The following PLK2 variants were observed in gnomAD, a reference collection of about 807,000 sequenced individuals.
PLK2 encodes serine/threonine-protein kinase PLK2.
A neutral mutation model predicts 78.1 loss-of-function variants in PLK2; 25 were observed. The observed-to-expected ratio is 0.32, with a 90% CI of 0.23 to 0.45. The LOEUF is 0.45. Among genes scored for constraint, PLK2 ranks in the 20% least tolerant of loss-of-function variants. The pLI is 1.00. For synonymous variants in PLK2, 332 were observed against 298.2 expected (o/e 1.11, Z -1.17); for missense variants, 566 against 840.2 (o/e 0.67, Z 4.04).
At chr5:58,455,132 G>T in intron 12 of PLK2, 111 bp from the exon 13 acceptor site, 1 of 1,138,368 alleles carries the variant, frequency 8.8e-7, no homozygotes, top group Admixed American at 1.9e-5. Context: ...GAATGGCTTT[G>T]GAAATCCCTG....
chr5:58,455,004 A>C lies in PLK2; in HGVS notation c.1773T>G (p.Ser591Arg). 1 of 1,606,466 alleles carries C rather than the reference A, an allele frequency of 6.2e-7. No individual in the cohort carries two copies. Residue 591 changes from serine to arginine, a missense_variant, in exon 13 of 14, where the codon AGT becomes AGG. By Grantham distance (110) the Ser-to-Arg change is moderately radical. Transcript: ENST00000274289. The part of the protein sequence containing the change: ...ENLMDGGDLP[S>R]VTDIRRPRLY... ...GCCGAGGTCTTCGAATATCAGTAAC[A>C]CTAGGCAGATCTCCACCCTGGAAGA... is the stretch of plus-strand genomic sequence containing the variant.
intron 2 of PLK2, 51 bp downstream of exon 2, chr5:58,458,934 A>AG: frequency 7.5e-7 from 1 of 1,327,154 alleles, no homozygotes; most frequent in South Asian, 1.2e-5. Flanking sequence ...CTAACAGGGA[A>AG]GGGCCATCCT....
intron 1 of PLK2, 43 bp downstream of exon 1, chr5:58,459,647 G>A: frequency 6.7e-7 from 1 of 1,503,126 alleles, no homozygotes; most frequent in Non-Finnish European, 8.9e-7. Flanking sequence ...CGCCCGGACA[G>A]ACCTCCCGCC....
intron 5 of PLK2, 115 bp downstream of exon 5, chr5:58,457,969 C>T (rs1317051163): frequency 1.3e-6 from 1 of 753,152 alleles, no homozygotes; most frequent in Non-Finnish European, 2.4e-6. Flanking sequence ...TTTAAATTAA[C>T]ATTGCTATGA....
rs759433659 is a variant in PLK2 at position 58,455,586 on chromosome 5, A to T, written c.1578T>A (p.Gly526=). The change falls in exon 11 of 14, where the codon GGT becomes GGA. Residue 526 remains glycine (G), a synonymous_variant. Coordinates refer to ENST00000274289, the MANE Select transcript of PLK2 (RefSeq NM_006622.4). ...FGYQLSDHTV[G]VLFNNGAHMS... ...TGTGAGCACCATTGTTGAAAAGGAC[A>T]CCGACGGTGTGGTCTGAGAGCTGGT... The T allele has an allele frequency of 5.0e-6, 8 of 1,614,028 alleles. No homozygotes were observed. In the South Asian group the frequency reaches 8.8e-5, roughly 18 times the overall value.
intron 8 of PLK2, 91 bp from the exon 9 acceptor site, chr5:58,456,680 A>G (rs893106912): frequency 4.8e-5 from 41 of 859,044 alleles, no homozygotes; most frequent in Non-Finnish European, 6.6e-5. Context: ...TGCATTATTG[A>G]CCAACTTATG....
At chr5:58,456,455 A>T in intron 9 of PLK2, 37 bp downstream of exon 9, 1 of 1,190,710 alleles carries the variant, frequency 8.4e-7, no homozygotes, top group East Asian at 2.3e-5. Flanking sequence ...GAAATAACGT[A>T]AAGCGTGAGT....
At chr5:58,459,228 G>A (rs1579966159) in intron 1 of PLK2, 136 bp from the exon 2 acceptor site, 5 of 625,574 alleles carry the variant, frequency 8.0e-6, no homozygotes, top group Non-Finnish European at 1.4e-5. Context: ...TGGACAGAGG[G>A]AGGCATTCGA....
rs1401695100 is a variant in PLK2, at chr5:58,454,551, A to G, written c.*32T>C. 1 of 1,429,224 alleles carries G rather than the reference A, an allele frequency of 7.0e-7. No individual in the cohort carries two copies. Among genetic ancestry groups the G allele is most frequent in the Non-Finnish European group, 9.7e-7 (1 of 1,030,772 alleles). 88.5% of individuals were successfully genotyped at this position (1,429,224 alleles called of 1,614,324 possible). A position where few individuals can be genotyped will look rare whatever the true frequency, so the allele number is the denominator to read the frequency against. On this transcript the variant is annotated 3_prime_UTR_variant, in exon 14 of 14. Coordinates refer to ENST00000274289, the MANE Select transcript of PLK2 (RefSeq NM_006622.4). ...CCCTGTAGATCTCACAGTGGAAAAGAGGAGTCCCATAGGGTCCATTCGAAA... is the reference window on the plus strand; with the variant it reads ...CCCTGTAGATCTCACAGTGGAAAAGGGGAGTCCCATAGGGTCCATTCGAAA...
Position 58,459,718 on chromosome 5 carries a change from C to G in PLK2, c.242G>C (p.Arg81Pro). ...RIIVDPTTGK[R>P]YCRGKVLGKG... ...TCCCAGCACTTTGCCCCGGCAGTAG[C>G]GCTTCCCAGTCGTGGGGTCGACGAT... Residue 81 changes from arginine (R) to proline (P), a missense_variant, in exon 1 of 14, where the codon CGC becomes CCC. Physicochemically the swap from Arg to Pro is moderately radical, Grantham distance 103. Transcript: ENST00000274289. 3 of 1,599,510 alleles carry G rather than the reference C, an allele frequency of 1.9e-6. No individual in the cohort carries two copies. Among genetic ancestry groups the G allele is most frequent in the Non-Finnish European group, 1.7e-6 (2 of 1,173,736 alleles).
chr5:58,458,214 C>T (rs370479360), intron 4 of PLK2, 43 bp from the exon 5 acceptor site: 18 of 1,415,500 alleles, frequency 1.3e-5, no homozygotes, highest in South Asian at 5.7e-5. Context: ...TTTGAAAATG[C>T]GTTCTAACCA....
At chr5:58,458,586 T>C in intron 3 of PLK2, 58 bp from the exon 4 acceptor site, 6 of 1,535,998 alleles carry the variant, frequency 3.9e-6, no homozygotes, top group Non-Finnish European at 5.3e-6. Flanking sequence ...AAATCACTGG[T>C]TTCCCTTTGC....
In PLK2 at chr5:58,457,167, G is replaced by C. The variant is rs377260992; in HGVS notation, c.1008+14C>G. ...CAATACCAGGTAATTAAAAAAAAAAGATAGTGCACCAACCTGCAAAAAAAA... is the reference window on the plus strand; with the variant it reads ...CAATACCAGGTAATTAAAAAAAAAACATAGTGCACCAACCTGCAAAAAAAA... On this transcript the variant is annotated intron_variant, in intron 7 of 13. Transcript: ENST00000274289. The C allele has an allele frequency of 3.5e-5, 56 of 1,609,326 alleles. No homozygotes were observed. Among genetic ancestry groups the C allele is most frequent in the Non-Finnish European group, 4.7e-5 (55 of 1,176,962 alleles).
chr5:58,455,189 G>C, intron 12 of PLK2, 96 bp downstream of exon 12: 1 of 1,426,998 alleles, frequency 7.0e-7, no homozygotes, highest in Non-Finnish European at 9.8e-7. Flanking sequence ...CGGTAGGTCA[G>C]GAGAATCTGT....
rs375018558 is a variant in PLK2, at chr5:58,456,527, T to C, written c.1219A>G (p.Ile407Val). Residue 407 changes from isoleucine to valine, a missense_variant, in exon 9 of 14, where the codon ATA (isoleucine) becomes GTA (valine). By Grantham distance (29) the Ile-to-Val change is conservative. Around this residue, in one of 5 missense-constraint regions of PLK2, gnomAD observed 129 missense variants for 156.0 expected, o/e 0.83. Transcript: ENST00000274289. ...KLRHDLKKTS[I>V]TQQPSKHRTD... is the part of the protein sequence containing the mutation. ...CTGTGTTTGCTGGGTTGCTGAGTTATTGAAGTCTTTTTCAAATCATGCCTA... is the reference window on the plus strand; with the variant it reads ...CTGTGTTTGCTGGGTTGCTGAGTTACTGAAGTCTTTTTCAAATCATGCCTA... 17 of 1,612,618 alleles carry C rather than the reference T, an allele frequency of 1.1e-5. No individual in the cohort carries two copies. In the African/African-American group the frequency reaches 1.2e-4, roughly 11 times the overall value.
chr5:58,454,443 A>T lies in PLK2; in HGVS notation c.*140T>A. 1 of 634,100 alleles carries T rather than the reference A, an allele frequency of 1.6e-6. No homozygotes were observed. Among genetic ancestry groups the T allele is most frequent in the Non-Finnish European group, 2.8e-6 (1 of 362,676 alleles). 39.3% of individuals were successfully genotyped at this position (634,100 alleles called of 1,614,324 possible). ...GCCTTAGCCTGTTCTGGTTCCAACCAGTCCAGCAGGCCACAGGGGAATTGT... is the reference window on the plus strand; with the variant it reads ...GCCTTAGCCTGTTCTGGTTCCAACCTGTCCAGCAGGCCACAGGGGAATTGT... On this transcript the variant is annotated 3_prime_UTR_variant, in exon 14 of 14. Coordinates refer to ENST00000274289, the MANE Select transcript of PLK2 (RefSeq NM_006622.4).
Position 58,458,383 on chromosome 5 carries a change from G to A in PLK2, c.625+16C>T. 3 of 1,612,584 alleles carry A rather than the reference G, an allele frequency of 1.9e-6. No homozygotes were observed. Among genetic ancestry groups the A allele is most frequent in the Non-Finnish European group, 2.5e-6 (3 of 1,178,656 alleles). ...AACTCTAACACAAAACTCAGCTTTT[G>A]GCGTCAATGACTTACCTAGTTTGAG... On this transcript the variant is annotated intron_variant, in intron 4 of 13. Coordinates refer to ENST00000274289, the MANE Select transcript of PLK2 (RefSeq NM_006622.4).
At chr5:58,455,853 A>C (rs1743586456) in intron 10 of PLK2, 74 bp from the exon 11 acceptor site, 6 of 1,557,760 alleles carry the variant, frequency 3.9e-6, no homozygotes, top group Non-Finnish European at 5.3e-6. Context: ...GGTAGATGCT[A>C]AGTTTCACTC....
At chr5:58,456,696 C>T in intron 8 of PLK2, 107 bp from the exon 9 acceptor site, 1 of 774,716 alleles carries the variant, frequency 1.3e-6, no homozygotes, top group East Asian at 2.6e-5. Flanking sequence ...TTATGAGCAT[C>T]CTGGGCAAAA....
Sources: allele counts gnomAD v4.1 joint callset, GRCh38; gene constraint gnomAD v4.1.1; regional missense constraint gnomAD v4.1.1; transcripts MANE v1.5; gene names NCBI Gene and HGNC (gene_info 2026-07-23, HGNC 2026-07-21).